Variants in RTL4 observed in about 807,000 individuals in gnomAD.
RTL4 encodes the protein retrotransposon Gag-like protein 4.
In RTL4, 4 loss-of-function variants were observed where a neutral mutation model predicts 5.3. The observed-to-expected ratio is 0.75, with a 90% CI of 0.37 to 1.72. The LOEUF (loss-of-function observed/expected upper bound fraction) is 1.72, where lower values mean the gene tolerates loss of function less well. RTL4 is among the 40% of genes most tolerant of loss of function. The pLI is 0.04. For missense variants in RTL4, 260 were observed against 227.1 expected (o/e 1.14, Z -0.93); for synonymous variants, 98 against 87.3 (o/e 1.12, Z -0.68).
At chrX:112,206,650 A>G in the RTL4 span, among the ~76,000 whole-genome samples, 2 of 111,199 alleles carry the variant, frequency 1.8e-5, no homozygotes, top group Non-Finnish European at 3.8e-5. Context: ...TACACTCATT[A>G]CATAGGTGAT....
chrX:112,236,487 A>C, the RTL4 span, among the ~76,000 whole-genome samples: 3 of 82,288 alleles, frequency 3.6e-5, no homozygotes. Context: ...ATATAGATCT[A>C]TATCTATATA....
the RTL4 span, among the ~76,000 whole-genome samples, chrX:112,140,066 C>G: frequency 8.9e-6 from 1 of 112,270 alleles, no homozygotes; most frequent in Non-Finnish European, 1.9e-5. Flanking sequence ...TGAAAACGGA[C>G]TAATACAGCT....
At chrX:112,375,482 G>A in the RTL4 span, among the ~76,000 whole-genome samples, 2 of 111,381 alleles carry the variant, frequency 1.8e-5, no homozygotes, top group African/African-American at 6.5e-5. Flanking sequence ...CTTGTATAAT[G>A]GGGGGAGCCA....
At chrX:112,386,506 C>T in the RTL4 span, among the ~76,000 whole-genome samples, 1 of 110,282 alleles carries the variant, frequency 9.1e-6, no homozygotes, top group Middle Eastern at 4.7e-3. Flanking sequence ...CCTCACCCCC[C>T]TCCCACCCTT....
chrX:112,298,353 A>G, the RTL4 span, among the ~76,000 whole-genome samples: 208 of 112,039 alleles, frequency 1.9e-3, 2 homozygotes, highest in Non-Finnish European at 1.4e-3. Context: ...AACATTAGTT[A>G]TTACGAAAGA....
chrX:112,111,662 C>T, the RTL4 span, among the ~76,000 whole-genome samples: 6,961 of 112,287 alleles, frequency 0.062, 234 homozygotes, highest in Non-Finnish European at 0.096. Flanking sequence ...GCCACTAGTT[C>T]TGCTAACTGG....
the RTL4 span, among the ~76,000 whole-genome samples, chrX:112,392,470 G>A: frequency 8.9e-6 from 1 of 112,072 alleles, no homozygotes; most frequent in Non-Finnish European, 1.9e-5. Flanking sequence ...CCATCCCAGG[G>A]AGGTACGGAC....
chrX:112,449,932 G>C (rs7474334), upstream of RTL4, among the ~76,000 whole-genome samples: 23,165 of 111,419 alleles, frequency 0.21, 1,985 homozygotes, highest in Middle Eastern at 0.28. Flanking sequence ...CCACACTGAG[G>C]TCTCCAGACA....
the RTL4 span, among the ~76,000 whole-genome samples, chrX:112,236,092 C>T: frequency 2.7e-5 from 3 of 109,790 alleles, no homozygotes; most frequent in Admixed American, 9.8e-5. Context: ...CAAAGTTGGC[C>T]CAAGTGCCAG....
the RTL4 span, among the ~76,000 whole-genome samples, chrX:112,117,344 C>T: frequency 9.4e-6 from 1 of 106,597 alleles, no homozygotes; most frequent in Non-Finnish European, 1.9e-5. Flanking sequence ...ATAGATTTGA[C>T]TACATAATCT....
chrX:112,442,944 G>A, the RTL4 span, among the ~76,000 whole-genome samples: 1 of 111,173 alleles, frequency 9.0e-6, no homozygotes, highest in Non-Finnish European at 1.9e-5. Context: ...ATTTTTAAAT[G>A]TACAATTAAA....
At chrX:112,340,455 T>C in the RTL4 span, among the ~76,000 whole-genome samples, 15 of 110,672 alleles carry the variant, frequency 1.4e-4, no homozygotes, top group African/African-American at 4.9e-4. Flanking sequence ...TGAATCAATA[T>C]ATTCAGAGCG....
At chrX:112,133,115 A>C in the RTL4 span, among the ~76,000 whole-genome samples, 1 of 112,132 alleles carries the variant, frequency 8.9e-6, no homozygotes, top group Non-Finnish European at 1.9e-5. Context: ...TGTTGGACAA[A>C]GAAGAGCCAA....
the RTL4 span, among the ~76,000 whole-genome samples, chrX:112,264,835 G>C: frequency 8.9e-6 from 1 of 112,030 alleles, no homozygotes; most frequent in Non-Finnish European, 1.9e-5. Flanking sequence ...AATTGTCTTT[G>C]GACTTGGTGT....
the RTL4 span, among the ~76,000 whole-genome samples, chrX:112,310,096 T>C: frequency 2.9e-5 from 3 of 104,234 alleles, no homozygotes; most frequent in Non-Finnish European, 5.8e-5. Flanking sequence ...TTCTATTAGA[T>C]ACTGCTATGG....
chrX:112,364,096 G>A, the RTL4 span, among the ~76,000 whole-genome samples: 5 of 112,261 alleles, frequency 4.5e-5, no homozygotes, highest in Non-Finnish European at 9.4e-5. Context: ...TGAATGGAAT[G>A]GGAAGAACGT....
chrX:112,240,291 T>G, the RTL4 span, among the ~76,000 whole-genome samples: 1 of 110,602 alleles, frequency 9.0e-6, no homozygotes, highest in African/African-American at 3.3e-5. Context: ...GAAAATAGGA[T>G]GAAAAAATAT....
chrX:112,224,969 G>A, the RTL4 span, among the ~76,000 whole-genome samples: 6 of 112,105 alleles, frequency 5.4e-5, no homozygotes, highest in Non-Finnish European at 1.1e-4. Context: ...GCCAGGTACT[G>A]TTCTAAATAG....
At chrX:112,401,038 C>T in the RTL4 span, among the ~76,000 whole-genome samples, 1 of 112,133 alleles carries the variant, frequency 8.9e-6, no homozygotes, top group Admixed American at 9.4e-5. Context: ...TTTCGTCCAT[C>T]TGTCAGGGAT....
Sources: allele counts gnomAD v4.1 joint callset (sites outside exome capture counted in the v4.1 genomes callset), GRCh38; gene constraint gnomAD v4.1.1; transcripts MANE v1.5; gene names NCBI Gene and HGNC (gene_info 2026-07-23, HGNC 2026-07-21).